WIZ: variants seen among roughly 807,000 people sequenced by gnomAD.
WIZ encodes the protein WIZ zinc finger, also known as protein Wiz.
Under a neutral mutation model 140.2 loss-of-function variants are expected in WIZ, and 25 were observed. That is an observed-to-expected ratio of 0.18 (90% confidence interval 0.13 to 0.25). The LOEUF is 0.25. Ranked by LOEUF, WIZ falls within the 10% of genes least tolerant of loss-of-function variation. The pLI, the probability that WIZ is intolerant of heterozygous loss-of-function variation, is 1.00. For synonymous variants in WIZ, 1,125 were observed against 1,154.3 expected (o/e 0.97, Z 0.51); for missense variants, 2,231 against 2,632.6 (o/e 0.85, Z 3.34).
rs773225960 is a variant in WIZ, at chr19:15,422,833, G to A, written c.*243C>T. The A allele has an allele frequency of 2.3e-5, 13 of 569,798 alleles. No homozygotes were observed. Among genetic ancestry groups the A allele is most frequent in the South Asian group, 1.4e-4 (6 of 44,014 alleles). The allele number at this position is 569,798 out of a possible 1,614,324, so 35.3% of individuals were successfully genotyped here. ...CAGAGACCTGGCTGCTGCCCCTGCTGGACCAGGTGGGCATGGGCTGAAGGA... is the reference window on the plus strand; with the variant it reads ...CAGAGACCTGGCTGCTGCCCCTGCTAGACCAGGTGGGCATGGGCTGAAGGA... On this transcript the variant is annotated 3_prime_UTR_variant, in exon 13 of 13. Transcript: ENST00000673675.
In WIZ at chr19:15,431,062, A is replaced by C. The variant is rs1024266085; in HGVS notation, c.2861T>G (p.Val954Gly). 5 of 1,535,806 alleles carry C rather than the reference A, an allele frequency of 3.3e-6. No individual in the cohort carries two copies. Among genetic ancestry groups the C allele is most frequent in the Non-Finnish European group, 8.7e-7 (1 of 1,146,816 alleles). The change falls in exon 6 of 13, where the codon GTG becomes GGG. Residue 954 changes from valine to glycine, a missense_variant. This residue lies in a region of WIZ where 137 missense variants were observed against 135.8 expected (regional missense o/e 1.01). Transcript: ENST00000673675. ...EQVASRLSSK[V>G]AAEVPHGSKQ... ...GCTGCCATGAGGAACCTCTGCAGCC[A>C]CTTTGCTGCTCAGCCGACTGGCCAC... is the stretch of plus-strand genomic sequence containing the variant.
intron 2 of WIZ, among the ~76,000 whole-genome samples, chr19:15,447,366 C>G (rs1453800680): frequency 6.6e-6 from 1 of 152,198 alleles, no homozygotes; most frequent in Non-Finnish European, 1.5e-5. Context: ...TCCCAGGTCT[C>G]CCAGGCATGA....
In WIZ at chr19:15,440,010, C is replaced by G; in HGVS notation, c.984G>C (p.Glu328Asp). ...GCTGGCTCATGTGCTCCAGGAGGTG[C>G]TCCTTCTGCTTGAAGTAGATGCTGC... ...IECSIYFKQK[E>D]HLLEHMSQHR... Residue 328 changes from glutamate to aspartate, a missense_variant, in exon 4 of 13, where the codon GAG becomes GAC. This residue lies in a region of WIZ where 475 missense variants were observed against 520.2 expected (regional missense o/e 0.91). Transcript: ENST00000673675. The surrounding 1 kb of genome is among the most constrained non-coding windows in gnomAD (Gnocchi z 6.2). The G allele has an allele frequency of 6.5e-7, 1 of 1,535,850 alleles. No homozygotes were observed. The highest frequency in any genetic ancestry group is 8.7e-7 in the Non-Finnish European group (1 of 1,146,814).
rs916977466 is a variant in WIZ at position 15,442,581 on chromosome 19, G to A, written c.278+95C>T. ...CTGCCTGGCCTCCTGATTCCCTCCTGTCCCCTTCTCATTCCCCAGGGGCTT... is the reference window on the plus strand; with the variant it reads ...CTGCCTGGCCTCCTGATTCCCTCCTATCCCCTTCTCATTCCCCAGGGGCTT... On this transcript the variant is annotated intron_variant, in intron 3 of 12. Transcript: ENST00000673675. The surrounding 1 kb of genome is among the most constrained non-coding windows in gnomAD (Gnocchi z 5.5). 1.0e-6 allele frequency: 1 copy of A among 978,914 alleles called. No individual in the cohort carries two copies. Among genetic ancestry groups the A allele is most frequent in the South Asian group, 5.2e-5 (1 of 19,226 alleles). 60.6% of individuals were successfully genotyped at this position (978,914 alleles called of 1,614,324 possible). A position where few individuals can be genotyped will look rare whatever the true frequency, so the allele number is the denominator to read the frequency against.
In WIZ at chr19:15,442,831, G is replaced by C; in HGVS notation, c.206-83C>G. 1 of 892,842 alleles carries C rather than the reference G, an allele frequency of 1.1e-6. No individual in the cohort carries two copies. Among genetic ancestry groups the C allele is most frequent in the Non-Finnish European group, 1.5e-6 (1 of 677,890 alleles). 55.3% of individuals were successfully genotyped at this position (892,842 alleles called of 1,614,324 possible). ...CACCCCAGCTCCAGGAGCCCTGCCA[G>C]GTGCCTCAGAAAGGCCCTGCTGGCT... On this transcript the variant is annotated intron_variant, in intron 2 of 12. Transcript: ENST00000673675. The surrounding 1 kb of genome is among the most constrained non-coding windows in gnomAD (Gnocchi z 5.5).
At chr19:15,446,332 G>A (rs926621818) in intron 2 of WIZ, among the ~76,000 whole-genome samples, 39 of 152,208 alleles carry the variant, frequency 2.6e-4, no homozygotes, top group African/African-American at 7.9e-4. Flanking sequence ...GAGGACCCTG[G>A]GATCCCTAGA....
rs572444437 is a variant in WIZ, at chr19:15,420,131, G to A, written c.*2945C>T. The stretch of plus-strand genomic sequence containing the variant: ...GCCAGGATGTGCTTCACACAATTCA[G>A]ACAGGTAGAGAGAGGAGGAGGAAGC... On this transcript the variant is annotated 3_prime_UTR_variant, in exon 13 of 13. Transcript: ENST00000673675. 1 of 152,370 alleles carries A rather than the reference G, an allele frequency of 6.6e-6. No homozygotes were observed. Among genetic ancestry groups the A allele is most frequent in the East Asian group, 1.9e-4 (1 of 5,190 alleles). The allele number at this position is 152,370 out of a possible 1,614,324, so 9.4% of individuals were successfully genotyped here. A position where few individuals can be genotyped will look rare whatever the true frequency, so the allele number is the denominator to read the frequency against.
chr19:15,430,901 G>A, intron 6 of WIZ, 111 bp downstream of exon 6: 1 of 1,352,866 alleles, frequency 7.4e-7, no homozygotes, highest in Non-Finnish European at 9.7e-7. Flanking sequence ...GGTGCCAGAG[G>A]GAAAACTGCG....
At chr19:15,435,606 G>A (rs571055953) in intron 5 of WIZ, among the ~76,000 whole-genome samples, 10 of 151,804 alleles carry the variant, frequency 6.6e-5, no homozygotes, top group South Asian at 2.1e-4. Flanking sequence ...AGGCCGAAGC[G>A]GGCAGATCAC....
chr19:15,425,549 G>T lies in WIZ; in HGVS notation c.4586C>A (p.Ala1529Asp). ...IKKEPPAGDL[A>D]PALAEDGPPT... ...AGGCCCGTCCTCAGCCAGGGCAGGG[G>T]CCAGGTCTCCAGCCGGTGGCTCCTT... Residue 1529 changes from alanine (A) to aspartate (D), a missense_variant, in exon 10 of 13, where the codon GCC becomes GAC. By Grantham distance (126) the Ala-to-Asp change is moderately radical. Transcript: ENST00000673675. 6.2e-7 allele frequency: 1 copy of T among 1,612,694 alleles called. No individual in the cohort carries two copies. Among genetic ancestry groups the T allele is most frequent in the South Asian group, 1.1e-5 (1 of 91,054 alleles).
In WIZ at chr19:15,423,092, G is replaced by C; in HGVS notation, c.5654C>G (p.Ala1885Gly). ...ESQAPQAQTA[A>G]AEAP ...GCTTTTGTGTTAGGGAGCCTCTGCC[G>C]CCGCTGTCTGTGCCTGCGGGGCCTG... The change falls in exon 13 of 13, where the codon GCG (alanine) becomes GGG (glycine). Residue 1885 changes from alanine to glycine, a missense_variant. This residue lies in a region of WIZ where 299 missense variants were observed against 309.6 expected (regional missense o/e 0.97). Transcript: ENST00000673675. 1.2e-6 allele frequency: 2 copies of C among 1,611,736 alleles called. No homozygotes were observed. Among genetic ancestry groups the C allele is most frequent in the Non-Finnish European group, 8.5e-7 (1 of 1,179,620 alleles).
At position 15,424,352 on chromosome 19, in the gene WIZ, GAGGGCGGGCTTGTCGGCGTTC is replaced by G; in HGVS notation, c.5320_5340del (p.Glu1774_Pro1780del). 1 of 1,602,974 alleles carries G rather than the reference GAGGGCGGGCTTGTCGGCGTTC, an allele frequency of 6.2e-7. No individual in the cohort carries two copies. Among genetic ancestry groups the G allele is most frequent in the South Asian group, 1.1e-5 (1 of 90,150 alleles). Reference sequence around the variant, plus strand: ...CCTCCCCGGGCTGCGGAGGCATCTGGAGGGCGGGCTTGTCGGCGTTCAAATTCTAAGGTGGAGAGGGGGACG... The same window carrying G: ...CCTCCCCGGGCTGCGGAGGCATCTGGAAATTCTAAGGTGGAGAGGGGGACG... On this transcript the variant is annotated inframe_deletion, in exon 12 of 13. Coordinates refer to ENST00000673675, the MANE Select transcript of WIZ (RefSeq NM_001371589.1). The surrounding 1 kb of genome is among the most constrained non-coding windows in gnomAD (Gnocchi z 9.7).
In WIZ at chr19:15,431,108, C is replaced by G. The variant is rs763165998; in HGVS notation, c.2815G>C (p.Val939Leu). The G allele has an allele frequency of 6.5e-7, 1 of 1,535,924 alleles. No individual in the cohort carries two copies. Among genetic ancestry groups the G allele is most frequent in the South Asian group, 1.2e-5 (1 of 84,006 alleles). Residue 939 changes from valine to leucine, a missense_variant, in exon 6 of 13, where the codon GTC becomes CTC. Physicochemically the swap from Val to Leu is conservative, Grantham distance 32 (BLOSUM62 1). Around this residue, in one of 15 missense-constraint regions of WIZ, gnomAD observed 137 missense variants for 135.8 expected, o/e 1.01. Transcript: ENST00000673675. ...SPSLPKKSLP[V>L]PGALEQVASR... Reference sequence around the variant, plus strand: ...GCCACCTGCTCCAGGGCCCCAGGGACAGGCAGGCTCTTCTTAGGGAGCGAG... The same window carrying G: ...GCCACCTGCTCCAGGGCCCCAGGGAGAGGCAGGCTCTTCTTAGGGAGCGAG...
chr19:15,442,553 C>T lies in WIZ; in HGVS notation c.278+123G>A. On this transcript the variant is annotated intron_variant, in intron 3 of 12. Coordinates refer to ENST00000673675, the MANE Select transcript of WIZ (RefSeq NM_001371589.1). This position sits in a 1 kb window ranked among gnomAD's most constrained non-coding sequence, Gnocchi z 5.5. ...CTTGCCTGCCGGGAGCTGACTCCTCCTCCTGCCTGGCCTCCTGATTCCCTC... is the reference window on the plus strand; with the variant it reads ...CTTGCCTGCCGGGAGCTGACTCCTCTTCCTGCCTGGCCTCCTGATTCCCTC... 1.3e-6 allele frequency: 1 copy of T among 765,438 alleles called. No homozygotes were observed. The highest frequency in any genetic ancestry group is 1.8e-6 in the Non-Finnish European group (1 of 562,264). 47.4% of individuals were successfully genotyped at this position (765,438 alleles called of 1,614,324 possible). A position where few individuals can be genotyped will look rare whatever the true frequency, so the allele number is the denominator to read the frequency against.
In WIZ at chr19:15,439,119, A is replaced by ATCCTCC. The variant is rs753448130; in HGVS notation, c.1869_1874dup (p.Glu623_Glu624dup). The ATCCTCC allele has an allele frequency of 1.8e-5, 26 of 1,476,866 alleles. No individual in the cohort carries two copies. Among genetic ancestry groups the ATCCTCC allele is most frequent in the African/African-American group, 5.7e-5 (4 of 70,758 alleles). 91.5% of individuals were successfully genotyped at this position (1,476,866 alleles called of 1,614,324 possible). A position where few individuals can be genotyped will look rare whatever the true frequency, so the allele number is the denominator to read the frequency against. On this transcript the variant is annotated inframe_insertion, in exon 4 of 13. Transcript: ENST00000673675. This position sits in a 1 kb window ranked among gnomAD's most constrained non-coding sequence, Gnocchi z 7.0. The stretch of plus-strand genomic sequence containing the variant: ...AATCCATCTCGGAGGTCAGCACTAC[A>ATCCTCC]TCCTCCTCCTCCTCCTCCTCCTCCT...
At chr19:15,431,729 C>T (rs1969252843) in intron 5 of WIZ, among the ~76,000 whole-genome samples, 1 of 152,168 alleles carries the variant, frequency 6.6e-6, no homozygotes, top group African/African-American at 2.4e-5. Context: ...CAAGCTGGGC[C>T]CTAAGTGGGG....
rs541051244 is a variant in WIZ at position 15,427,623 on chromosome 19, G to C, written c.3815-90C>G. The C allele has an allele frequency of 1.5e-6, 2 of 1,373,636 alleles. No homozygotes were observed. The highest frequency in any genetic ancestry group is 4.7e-5 in the Admixed American group (2 of 42,548). 85.1% of individuals were successfully genotyped at this position (1,373,636 alleles called of 1,614,324 possible). ...TGTCCTGGTCGGCTGGGCGTGGGCG[G>C]CAGCAGCACGCCCACAGGTTAGGGT... is the stretch of plus-strand genomic sequence containing the variant. On this transcript the variant is annotated intron_variant, in intron 8 of 12. Coordinates refer to ENST00000673675, the MANE Select transcript of WIZ (RefSeq NM_001371589.1). This position sits in a 1 kb window ranked among gnomAD's most constrained non-coding sequence, Gnocchi z 6.4.
At position 15,424,711 on chromosome 19, in the gene WIZ, G is replaced by A; in HGVS notation, c.5216C>T (p.Pro1739Leu). Residue 1739 changes from proline (P) to leucine (L), a missense_variant, in exon 11 of 13, where the codon CCC becomes CTC. Pro to Leu is a moderately conservative substitution (Grantham distance 98, BLOSUM62 -3). Transcript: ENST00000673675. This position sits in a 1 kb window ranked among gnomAD's most constrained non-coding sequence, Gnocchi z 9.7. ...VGRSAGGEPG[P>L]EAGRAADGGE... ...ACCGTCGGCTGCCCGGCCAGCCTCG[G>A]GCCCTGGCTCCCCTCCGGCACTGCG... The A allele has an allele frequency of 1.3e-6, 2 of 1,580,706 alleles. No individual in the cohort carries two copies. The highest frequency in any genetic ancestry group is 1.7e-6 in the Non-Finnish European group (2 of 1,170,002).
intron 5 of WIZ, 102 bp from the exon 6 acceptor site, chr19:15,431,284 C>T (rs903162890): frequency 1.2e-5 from 16 of 1,357,110 alleles, no homozygotes; most frequent in South Asian, 1.6e-5. Flanking sequence ...TCCGCTCTCA[C>T]TCTGCGAAGC....
Sources: gnomAD v4.1 joint callset for allele counts (sites outside exome capture counted in the v4.1 genomes callset) on GRCh38, gnomAD v4.1.1 for gene constraint, gnomAD v4.1.1 regional missense constraint, Gnocchi (gnomAD v3.1) non-coding constraint, MANE v1.5 for transcripts, NCBI Gene and HGNC (gene_info 2026-07-23, HGNC 2026-07-21) for gene names.